ADGRB1: variants seen among roughly 807,000 people sequenced by gnomAD.
ADGRB1 encodes the protein brain-specific angiogenesis inhibitor 1.
A neutral mutation model predicts 175.7 loss-of-function variants in ADGRB1; 36 were observed. That is an observed-to-expected ratio of 0.20 (90% CI 0.16 to 0.27). The LOEUF (loss-of-function observed/expected upper bound fraction) is 0.27, where lower values mean the gene tolerates loss of function less well. Among genes scored for constraint, ADGRB1 ranks in the 10% least tolerant of loss-of-function variants. ADGRB1 has a pLI of 1.00. For synonymous variants in ADGRB1, 1,054 were observed against 979.4 expected (o/e 1.08, Z -1.42); for missense variants, 1,731 against 2,255.3 (o/e 0.77, Z 4.71).
At position 142,544,551 on chromosome 8, in the gene ADGRB1, C is replaced by T. The variant is rs889396829; in HGVS notation, c.*134C>T. ...CCCCGGCCTCAGGGCGCTCAGACGG[C>T]GGCCAGGCACAGGGCCCGCAGTGCT... On this transcript the variant is annotated 3_prime_UTR_variant, in exon 31 of 31. Coordinates refer to ENST00000517894, the MANE Select transcript of ADGRB1 (RefSeq NM_001702.3). 24 of 1,097,816 alleles carry T rather than the reference C, an allele frequency of 2.2e-5. No individual in the cohort carries two copies. Among genetic ancestry groups the T allele is most frequent in the African/African-American group, 3.4e-5 (2 of 59,274 alleles). 68.0% of individuals were successfully genotyped at this position (1,097,816 alleles called of 1,614,324 possible).
intron 18 of ADGRB1, 63 bp from the exon 19 acceptor site, chr8:142,518,075 C>T (rs538881682): frequency 5.7e-5 from 87 of 1,528,706 alleles, no homozygotes; most frequent in Middle Eastern, 1.7e-4. Flanking sequence ...TCTCAGTCTT[C>T]GGGTCTGCCG....
chr8:142,454,183 G>A (rs1839523604), intron 1 of ADGRB1, among the ~76,000 whole-genome samples: 1 of 152,164 alleles, frequency 6.6e-6, no homozygotes, highest in Non-Finnish European at 1.5e-5. Flanking sequence ...AGCCTGTTGA[G>A]TGCCGCTGCC....
chr8:142,502,068 ATGATGGGGTTGT>A (rs1302256100), intron 17 of ADGRB1, among the ~76,000 whole-genome samples: 1 of 56,128 alleles, frequency 1.8e-5, no homozygotes. Flanking sequence ...GGTGGGGGTG[ATGATGGGGTTGT>A]GGTAGTAATG....
chr8:142,474,755 T>G lies in ADGRB1; in HGVS notation c.785-719T>G. Among the ~76,000 whole-genome samples, 1 of 151,986 alleles carries G rather than the reference T, an allele frequency of 6.6e-6. No homozygotes were observed. On this transcript the variant is annotated intron_variant, in intron 2 of 30. Coordinates refer to ENST00000517894, the MANE Select transcript of ADGRB1 (RefSeq NM_001702.3). The surrounding 1 kb of genome is among the most constrained non-coding windows in gnomAD (Gnocchi z 5.8). The stretch of plus-strand genomic sequence containing the variant: ...GGGGCAGGGATGGAGAAAGACTCAC[T>G]AGAGAAGCTGAACAGAGCGGCCGGG...
intron 25 of ADGRB1, among the ~76,000 whole-genome samples, chr8:142,536,044 GCA>G (rs1451139527): frequency 6.6e-6 from 1 of 152,126 alleles, no homozygotes; most frequent in East Asian, 1.9e-4. Flanking sequence ...CCCCCCAGCA[GCA>G]TGAAGCAGAG....
chr8:142,538,241 G>C (rs1346759989), intron 26 of ADGRB1, among the ~76,000 whole-genome samples: 1 of 152,228 alleles, frequency 6.6e-6, no homozygotes, highest in East Asian at 1.9e-4. Flanking sequence ...CGCGGGAGGT[G>C]CTCCCTGGGT....
chr8:142,489,556 A>C, intron 16 of ADGRB1, 118 bp downstream of exon 16: 2 of 1,129,796 alleles, frequency 1.8e-6, no homozygotes, highest in Non-Finnish European at 1.3e-6. Context: ...AACCTTCGAG[A>C]GCTACTTTTA....
Position 142,522,030 on chromosome 8 carries a change from C to T in ADGRB1, c.3090C>T (p.Leu1030=), listed in dbSNP as rs1467082846. The change falls in exon 21 of 31, where the codon CTC becomes CTT. Residue 1030 remains leucine (L), a synonymous_variant. Coordinates refer to ENST00000517894, the MANE Select transcript of ADGRB1 (RefSeq NM_001702.3). ...FFFLSSFCWV[L]TEAWQSYMAV... is the part of the protein sequence containing the mutation. ...TCCTGTCCTCCTTCTGCTGGGTGCT[C>T]ACCGAGGCCTGGCAGTCCTACATGG... The T allele has an allele frequency of 6.8e-6, 11 of 1,612,576 alleles. No individual in the cohort carries two copies. The African/African-American group carries it at 1.2e-4, about 18-fold the overall frequency.
intron 17 of ADGRB1, among the ~76,000 whole-genome samples, chr8:142,505,664 C>G (rs1041105463): frequency 6.6e-6 from 1 of 152,150 alleles, no homozygotes; most frequent in Non-Finnish European, 1.5e-5. Context: ...CCCTGCGGGC[C>G]CTGGGAGCAC....
At chr8:142,459,702 G>A (rs145021278) in intron 1 of ADGRB1, among the ~76,000 whole-genome samples, 144 of 152,258 alleles carry the variant, frequency 9.5e-4, no homozygotes, top group Middle Eastern at 3.4e-3. Flanking sequence ...ACATATGCAC[G>A]GGCACACACA....
intron 25 of ADGRB1, among the ~76,000 whole-genome samples, chr8:142,536,090 G>T (rs1844906821): frequency 6.6e-6 from 1 of 152,190 alleles, no homozygotes; most frequent in Non-Finnish European, 1.5e-5. Flanking sequence ...CAGGTCTGTG[G>T]TTGAGTGGGT....
chr8:142,479,228 T>C lies in ADGRB1; in HGVS notation c.1562-95T>C, dbSNP rs573123724. ...CCTATGTTTCACTGCCGCATGGCTC[T>C]GTGTGGGTCCCTGTCTTTGTGTCCT... On this transcript the variant is annotated intron_variant, in intron 7 of 30. Transcript: ENST00000517894. 3.6e-5 allele frequency: 48 copies of C among 1,325,292 alleles called. No individual in the cohort carries two copies. The African/African-American group carries it at 5.5e-4, about 15-fold the overall frequency. The allele number at this position is 1,325,292 out of a possible 1,614,324, so 82.1% of individuals were successfully genotyped here. A position where few individuals can be genotyped will look rare whatever the true frequency, so the allele number is the denominator to read the frequency against.
In ADGRB1 at chr8:142,539,314, G is replaced by C; in HGVS notation, c.3667-60G>C. 2.6e-6 allele frequency: 4 copies of C among 1,533,766 alleles called. No individual in the cohort carries two copies. The Admixed American group carries it at 7.9e-5, about 30-fold the overall frequency. On this transcript the variant is annotated intron_variant, in intron 26 of 30. Coordinates refer to ENST00000517894, the MANE Select transcript of ADGRB1 (RefSeq NM_001702.3). ...TGGCCCTCCCGAGCGGTCTGTGCAC[G>C]CGTGCACACACCCCCGCTCCCAGAG... is the stretch of plus-strand genomic sequence containing the variant.
chr8:142,539,346 A>AC (rs2132268887), intron 26 of ADGRB1, 28 bp from the exon 27 acceptor site: 1 of 1,569,518 alleles, frequency 6.4e-7, no homozygotes, highest in African/African-American at 1.4e-5. Context: ...AGAGGCGCTC[A>AC]CCCTGCCCTG....
chr8:142,469,203 G>A (rs1215721059), intron 2 of ADGRB1, among the ~76,000 whole-genome samples: 4 of 151,728 alleles, frequency 2.6e-5, no homozygotes, highest in African/African-American at 9.7e-5. Flanking sequence ...ATGTGCATGT[G>A]TGAATGTGTG....
chr8:142,480,727 C>A (rs1250464330), intron 9 of ADGRB1, among the ~76,000 whole-genome samples: 1 of 152,186 alleles, frequency 6.6e-6, no homozygotes, highest in Non-Finnish European at 1.5e-5. Context: ...ACCCTGTAAA[C>A]ACTCAGCTGT....
intron 13 of ADGRB1, among the ~76,000 whole-genome samples, chr8:142,486,305 G>A (rs542764728): frequency 1.3e-5 from 2 of 152,144 alleles, no homozygotes; most frequent in Admixed American, 1.3e-4. Flanking sequence ...AATCCCTCCC[G>A]ACTGTCAGAG....
chr8:142,478,403 C>G (rs1841118024), intron 7 of ADGRB1, 43 bp downstream of exon 7: 3 of 1,536,410 alleles, frequency 2.0e-6, no homozygotes, highest in Non-Finnish European at 1.8e-6. Flanking sequence ...ACCTAACAAG[C>G]AGGAGCCTCT....
intron 25 of ADGRB1, among the ~76,000 whole-genome samples, chr8:142,534,239 C>A (rs1055911702): frequency 2.6e-5 from 4 of 152,216 alleles, no homozygotes; most frequent in African/African-American, 9.6e-5. Context: ...GGGGCCCGCC[C>A]CCTCCCCAGG....
Sources: gnomAD v4.1 joint callset for allele counts (sites outside exome capture counted in the v4.1 genomes callset) on GRCh38, gnomAD v4.1.1 for gene constraint, Gnocchi (gnomAD v3.1) non-coding constraint, MANE v1.5 for transcripts, NCBI Gene and HGNC (gene_info 2026-07-23, HGNC 2026-07-21) for gene names.